The following FBXL13 variants were observed in gnomAD, a reference collection of about 807,000 sequenced individuals.
FBXL13 encodes the protein F-box and leucine-rich repeat protein 13.
In FBXL13, 67 loss-of-function variants were observed where a neutral mutation model predicts 83.6. The observed-to-expected ratio is 0.80, with a 90% confidence interval of 0.66 to 0.98. The LOEUF (loss-of-function observed/expected upper bound fraction) is 0.98. Among genes scored for constraint, FBXL13 ranks in the 50% least tolerant of loss-of-function variants. The pLI is 0.00. For missense variants in FBXL13, 822 were observed against 866.5 expected (o/e 0.95, Z 0.64); for synonymous variants, 272 against 299.5 (o/e 0.91, Z 0.95).
intron 2 of FBXL13, among the ~76,000 whole-genome samples, chr7:103,042,512 C>A (rs1439796516): frequency 6.6e-6 from 1 of 152,142 alleles, no homozygotes; most frequent in Non-Finnish European, 1.5e-5. Flanking sequence ...GCCCACATAG[C>A]CAAGGCAGTC....
At position 102,819,890 on chromosome 7, in the gene FBXL13, C is replaced by T. The variant is rs985361117; in HGVS notation, c.2018+2150G>A. 1.4e-4 allele frequency among the ~76,000 whole-genome samples: 21 copies of T among 152,302 alleles called. No homozygotes were observed. In the East Asian group the frequency reaches 3.9e-3, roughly 28 times the overall value. On this transcript the variant is annotated intron_variant, in intron 19 of 19. Transcript: ENST00000313221. The stretch of plus-strand genomic sequence containing the variant: ...TGCACTGAAGGATCTAAATGCAAAA[C>T]GAAGCTGCTCCATAGAGCACCCGGA...
At chr7:103,028,363 T>C (rs1031459068) in intron 4 of FBXL13, among the ~76,000 whole-genome samples, 3 of 152,200 alleles carry the variant, frequency 2.0e-5, no homozygotes, top group Non-Finnish European at 4.4e-5. Context: ...TATTCATGTA[T>C]ACATACACAC....
Position 102,931,951 on chromosome 7 carries a change from C to T in FBXL13, c.725-18G>A. ...ACAGTGGCCTAAATCAAATAAGTTA[C>T]ACGTCACTAAACTACATATTGCAAA... On this transcript the variant is annotated intron_variant, in intron 8 of 19. Coordinates refer to ENST00000313221, the Ensembl canonical transcript of FBXL13. 1.2e-6 allele frequency: 2 copies of T among 1,611,846 alleles called. No homozygotes were observed. Among genetic ancestry groups the T allele is most frequent in the Non-Finnish European group, 1.7e-6 (2 of 1,178,640 alleles).
At chr7:102,996,864 T>C (rs191235966) in intron 6 of FBXL13, among the ~76,000 whole-genome samples, 6 of 152,340 alleles carry the variant, frequency 3.9e-5, no homozygotes. Context: ...ATTGGTATTG[T>C]GGATGACTGG....
At chr7:102,998,013 A>G (rs757860899) in intron 6 of FBXL13, among the ~76,000 whole-genome samples, 18 of 152,106 alleles carry the variant, frequency 1.2e-4, no homozygotes, top group Non-Finnish European at 1.9e-4. Context: ...TCACTGTACT[A>G]ATTTACATTC....
At chr7:102,949,696 C>A (rs936657201) in intron 8 of FBXL13, among the ~76,000 whole-genome samples, 7 of 152,184 alleles carry the variant, frequency 4.6e-5, no homozygotes, top group African/African-American at 1.7e-4. Flanking sequence ...AAAAATACTG[C>A]GTGAAATATA....
At chr7:103,066,519 G>C (rs1202998524) in intron 1 of FBXL13, among the ~76,000 whole-genome samples, 1 of 151,816 alleles carries the variant, frequency 6.6e-6, no homozygotes, top group Admixed American at 6.6e-5. Context: ...AGCCTCCTGA[G>C]CAGCTGGGAC....
intron 6 of FBXL13, among the ~76,000 whole-genome samples, chr7:103,008,238 TAAAG>T (rs1456554093): frequency 6.6e-6 from 1 of 152,136 alleles, no homozygotes; most frequent in East Asian, 1.9e-4. Context: ...TTATGAAAAT[TAAAG>T]AAAGATTGAG....
chr7:102,942,280 T>C (rs1563127161), intron 8 of FBXL13: 1 of 1,594,966 alleles, frequency 6.3e-7, no homozygotes, highest in Non-Finnish European at 8.5e-7. Flanking sequence ...AAAGGTCTCC[T>C]ATATTTCAGG....
In FBXL13 at chr7:103,008,035, T is replaced by C. The variant is rs144718861; in HGVS notation, c.495+17028A>G. ...GGGTATTGGAGCCCAAGGCTGGTGA[T>C]AGATGGAGCCCAAGAAGAAGTCAAC... On this transcript the variant is annotated intron_variant, in intron 6 of 19. Coordinates refer to ENST00000313221, the Ensembl canonical transcript of FBXL13. Among the ~76,000 whole-genome samples, 297 of 152,234 alleles carry C rather than the reference T, an allele frequency of 2.0e-3. 6 individuals are homozygous for C. In the East Asian group the frequency reaches 0.052, roughly 27 times the overall value.
intron 11 of FBXL13, among the ~76,000 whole-genome samples, chr7:102,893,813 T>A (rs1444395035): frequency 4.2e-4 from 33 of 78,826 alleles, no homozygotes; most frequent in African/African-American, 7.9e-4. Flanking sequence ...GAGGAGGGAA[T>A]GGGGGAGGGG....
chr7:102,913,162 T>C, exon 11 of FBXL13: 6 of 1,614,168 alleles, frequency 3.7e-6, no homozygotes, highest in Non-Finnish European at 5.1e-6. Context: ...TAAGCCTTTG[T>C]CTGTGAACCG....
intron 2 of FBXL13, among the ~76,000 whole-genome samples, chr7:103,040,524 C>T (rs1274549160): frequency 1.3e-5 from 2 of 152,174 alleles, no homozygotes; most frequent in Non-Finnish European, 2.9e-5. Flanking sequence ...AATATACACT[C>T]TTCTGAGCAT....
intron 2 of FBXL13, among the ~76,000 whole-genome samples, chr7:103,037,273 C>T (rs1424007895): frequency 1.3e-5 from 2 of 152,182 alleles, no homozygotes; most frequent in Admixed American, 6.5e-5. Flanking sequence ...AACAAGGATA[C>T]AGGATCAACC....
At chr7:103,005,270 C>T (rs1053717747) in intron 6 of FBXL13, among the ~76,000 whole-genome samples, 16 of 151,998 alleles carry the variant, frequency 1.1e-4, no homozygotes, top group Non-Finnish European at 4.4e-5. Context: ...AAAGTAGGTA[C>T]AGAGGAAGGT....
rs140631715 is a variant in FBXL13, at chr7:102,921,021, G to A, written c.878+5253C>T. On this transcript the variant is annotated intron_variant, in intron 10 of 19. Transcript: ENST00000313221. Reference sequence around the variant, plus strand: ...ACAAATATTAGCCTGGCGTGGTGGCGGGCACCTGTAATCCCAGCTACTCGG... The same window carrying A: ...ACAAATATTAGCCTGGCGTGGTGGCAGGCACCTGTAATCCCAGCTACTCGG... Among the ~76,000 whole-genome samples, 579 of 151,922 alleles carry A rather than the reference G, an allele frequency of 3.8e-3. 5 individuals are homozygous for A. The highest frequency in any genetic ancestry group is 0.014 in the African/African-American group (563 of 41,440).
intron 17 of FBXL13, among the ~76,000 whole-genome samples, chr7:102,846,933 A>G (rs942305610): frequency 3.9e-5 from 6 of 152,170 alleles, no homozygotes; most frequent in Non-Finnish European, 8.8e-5. Context: ...GTTCTTCTGT[A>G]TGGCCTACAC....
intron 6 of FBXL13, among the ~76,000 whole-genome samples, chr7:102,979,211 G>A (rs1585222431): frequency 6.6e-6 from 1 of 152,154 alleles, no homozygotes; most frequent in African/African-American, 2.4e-5. Flanking sequence ...GCCTGGATTA[G>A]TCAAGATTCC....
At chr7:102,830,715 G>A (rs1427408482) in intron 18 of FBXL13, among the ~76,000 whole-genome samples, 6 of 152,278 alleles carry the variant, frequency 3.9e-5, no homozygotes, top group South Asian at 2.1e-4. Context: ...TAAATAAAGC[G>A]TAGGGCATCT....
Sources: allele counts gnomAD v4.1 joint callset (sites outside exome capture counted in the v4.1 genomes callset), GRCh38; gene constraint gnomAD v4.1.1; transcripts MANE v1.5; gene names NCBI Gene and HGNC (gene_info 2026-07-23, HGNC 2026-07-21).